The following COL23A1 variants were observed in gnomAD, a reference collection of about 807,000 sequenced individuals.
COL23A1 encodes the protein collagen type XXIII alpha 1 chain, also known as collagen alpha-1(XXIII) chain.
Under a neutral mutation model 99.3 loss-of-function variants are expected in COL23A1, and 97 were observed. The ratio of observed to expected loss-of-function variants is 0.98; its 90% CI spans 0.83 to 1.16. The LOEUF (loss-of-function observed/expected upper bound fraction) is 1.16. Ranked by LOEUF, COL23A1 falls within the 50% of genes most tolerant of loss-of-function variation. The probability of loss-of-function intolerance (pLI) is 0.00; values close to 1 mark genes in which losing one functional copy is unlikely to be tolerated. For synonymous variants in COL23A1, 320 were observed against 308.2 expected (o/e 1.04, Z -0.40); for missense variants, 762 against 757.4 (o/e 1.01, Z -0.07).
At chr5:178,242,846 G>A (rs1408692204) in intron 25 of COL23A1, among the ~76,000 whole-genome samples, 1 of 152,196 alleles carries the variant, frequency 6.6e-6, no homozygotes, top group African/African-American at 2.4e-5. Context: ...ACCCAACCAA[G>A]GTGGCTTAAC....
At chr5:178,324,364 C>T (rs2127633358) in intron 2 of COL23A1, among the ~76,000 whole-genome samples, 1 of 152,266 alleles carries the variant, frequency 6.6e-6, no homozygotes, top group African/African-American at 2.4e-5. Flanking sequence ...ATGTGCTTTT[C>T]ACCGTGCTGT....
intron 2 of COL23A1, among the ~76,000 whole-genome samples, chr5:178,358,741 C>CTA (rs2127698589): frequency 1.1e-5 from 1 of 87,670 alleles, no homozygotes; most frequent in South Asian, 4.1e-4. Context: ...GTATGTGTAT[C>CTA]TGTGTGTGTA....
chr5:178,297,746 T>G (rs1757821588), intron 3 of COL23A1, among the ~76,000 whole-genome samples: 1 of 146,234 alleles, frequency 6.8e-6, no homozygotes. Flanking sequence ...GTCTCCTTGC[T>G]GCCCAGATTG....
intron 1 of COL23A1, among the ~76,000 whole-genome samples, chr5:178,576,723 CG>C (rs1395098153): frequency 1.3e-5 from 2 of 152,088 alleles, no homozygotes; most frequent in South Asian, 4.1e-4. Flanking sequence ...CCCCGGGCCC[CG>C]CGCGCCAGGC....
rs552090689 is a variant in COL23A1 at position 178,399,875 on chromosome 5, G to A, written c.362-92956C>T. ...TCTCTCAGTTAGAATAACGACGGCCGCATGGTTCTCATTCCCTTCGGCTCA... is the reference window on the plus strand; with the variant it reads ...TCTCTCAGTTAGAATAACGACGGCCACATGGTTCTCATTCCCTTCGGCTCA... On this transcript the variant is annotated intron_variant, in intron 2 of 28. Transcript: ENST00000390654. Among the ~76,000 whole-genome samples, 6 of 152,252 alleles carry A rather than the reference G, an allele frequency of 3.9e-5. No individual in the cohort carries two copies. In the East Asian group the frequency reaches 9.7e-4, roughly 25 times the overall value.
intron 2 of COL23A1, among the ~76,000 whole-genome samples, chr5:178,426,914 G>A (rs1449922464): frequency 6.6e-6 from 1 of 152,204 alleles, no homozygotes; most frequent in Non-Finnish European, 1.5e-5. Context: ...AAATAACGAT[G>A]AGGCCAGTGT....
chr5:178,509,432 G>A (rs909875616), intron 2 of COL23A1, among the ~76,000 whole-genome samples: 14 of 151,944 alleles, frequency 9.2e-5, no homozygotes, highest in South Asian at 2.1e-4. Flanking sequence ...CATCTTGGCC[G>A]GGCTGGTTTT....
intron 2 of COL23A1, among the ~76,000 whole-genome samples, chr5:178,552,365 A>C (rs1036446812): frequency 2.0e-5 from 3 of 152,172 alleles, no homozygotes; most frequent in Non-Finnish European, 4.4e-5. Flanking sequence ...CAGCCTCCAG[A>C]GTATTCTCGT....
At chr5:178,524,010 C>A (rs1053679874) in intron 2 of COL23A1, among the ~76,000 whole-genome samples, 16 of 152,316 alleles carry the variant, frequency 1.1e-4, no homozygotes, top group Middle Eastern at 3.4e-3. Context: ...CAGGAATGAG[C>A]GTCTGCGGGG....
At chr5:178,362,540 A>C (rs1762228782) in intron 2 of COL23A1, among the ~76,000 whole-genome samples, 1 of 151,972 alleles carries the variant, frequency 6.6e-6, no homozygotes, top group African/African-American at 2.4e-5. Flanking sequence ...TGGATTTGTT[A>C]AGTCTTAGCC....
At chr5:178,259,895 G>A in intron 11 of COL23A1, 148 bp from the exon 12 acceptor site, 1 of 609,368 alleles carries the variant, frequency 1.6e-6, no homozygotes, top group Non-Finnish European at 2.8e-6. Flanking sequence ...TCAGAGAGCT[G>A]CGGCGGACAG....
At chr5:178,527,175 G>C (rs923369154) in intron 2 of COL23A1, among the ~76,000 whole-genome samples, 1 of 149,968 alleles carries the variant, frequency 6.7e-6, no homozygotes, top group Non-Finnish European at 1.5e-5. Context: ...GCAGCAAGGC[G>C]GGGGGCCCTC....
intron 2 of COL23A1, among the ~76,000 whole-genome samples, chr5:178,456,474 G>A (rs138479531): frequency 0.034 from 5,214 of 152,308 alleles, 178 homozygotes; most frequent in African/African-American, 0.088. Context: ...TGAGCTGGGC[G>A]GATCACCTGA....
At chr5:178,575,781 T>TG (rs1763319900) in intron 1 of COL23A1, among the ~76,000 whole-genome samples, 1 of 152,116 alleles carries the variant, frequency 6.6e-6, no homozygotes, top group Non-Finnish European at 1.5e-5. Context: ...GCCATTGTGT[T>TG]GGGGGTGAGG....
At position 178,281,106 on chromosome 5, in the gene COL23A1, G is replaced by A. The variant is rs566326145; in HGVS notation, c.441+7218C>T. On this transcript the variant is annotated intron_variant, in intron 5 of 28. Transcript: ENST00000390654. This position sits in a 1 kb window ranked among gnomAD's most constrained non-coding sequence, Gnocchi z 4.0. ...TGCCATTATCAGGGACTCCGGAGTCGGCTTTCATCCGGTCTCAGCTTCACT... is the reference window on the plus strand; with the variant it reads ...TGCCATTATCAGGGACTCCGGAGTCAGCTTTCATCCGGTCTCAGCTTCACT... Among the ~76,000 whole-genome samples the A allele has an allele frequency of 2.6e-5, 4 of 152,144 alleles. No homozygotes were observed. The highest frequency in any genetic ancestry group is 5.9e-5 in the Non-Finnish European group (4 of 68,020).
At chr5:178,350,434 C>T (rs548397975) in intron 2 of COL23A1, among the ~76,000 whole-genome samples, 3 of 152,132 alleles carry the variant, frequency 2.0e-5, no homozygotes, top group Non-Finnish European at 2.9e-5. Flanking sequence ...GCACCCAGCA[C>T]GGCATCTAGG....
At chr5:178,261,285 A>T (rs1765610618) in intron 11 of COL23A1, among the ~76,000 whole-genome samples, 1 of 151,998 alleles carries the variant, frequency 6.6e-6, no homozygotes, top group Non-Finnish European at 1.5e-5. Flanking sequence ...ATGGTGGCAC[A>T]CACCTGTTGT....
At chr5:178,477,181 C>T (rs1275468969) in intron 2 of COL23A1, among the ~76,000 whole-genome samples, 1 of 152,180 alleles carries the variant, frequency 6.6e-6, no homozygotes, top group African/African-American at 2.4e-5. Flanking sequence ...CTTTGAAGCA[C>T]TTTTATTTCT....
chr5:178,546,962 A>G (rs892505499), intron 2 of COL23A1, among the ~76,000 whole-genome samples: 1 of 152,134 alleles, frequency 6.6e-6, no homozygotes, highest in African/African-American at 2.4e-5. Flanking sequence ...CAGGGCAGAG[A>G]AGCCGGAGGG....
Sources: allele counts gnomAD v4.1 joint callset (sites outside exome capture counted in the v4.1 genomes callset), GRCh38; gene constraint gnomAD v4.1.1; non-coding constraint Gnocchi (gnomAD v3.1); transcripts MANE v1.5; gene names NCBI Gene and HGNC (gene_info 2026-07-23, HGNC 2026-07-21).